The following ZMAT4 variants were observed in gnomAD, a reference collection of about 807,000 sequenced individuals.
The protein encoded by ZMAT4 is zinc finger matrin-type protein 4.
A neutral mutation model predicts 28.7 loss-of-function variants in ZMAT4; 17 were observed. The observed-to-expected ratio is 0.59, with a 90% CI of 0.41 to 0.89. The LOEUF (loss-of-function observed/expected upper bound fraction) is 0.89. Ranked by LOEUF, ZMAT4 falls within the 40% of genes least tolerant of loss-of-function variation. The pLI, the probability that ZMAT4 is intolerant of heterozygous loss-of-function variation, is 0.00. For synonymous variants in ZMAT4, 117 were observed against 109.2 expected (o/e 1.07, Z -0.44); for missense variants, 240 against 283.8 (o/e 0.85, Z 1.11).
chr8:40,734,914 A>T (rs895142549), intron 3 of ZMAT4, among the ~76,000 whole-genome samples: 2 of 152,212 alleles, frequency 1.3e-5, no homozygotes, highest in African/African-American at 4.8e-5. Context: ...AAATAAAATA[A>T]AATTAGAATC....
intron 6 of ZMAT4, among the ~76,000 whole-genome samples, chr8:40,552,749 CA>C (rs973247521): frequency 5.3e-5 from 8 of 152,176 alleles, no homozygotes; most frequent in South Asian, 2.1e-4. Flanking sequence ...CAAAAGGCCA[CA>C]CGGGGCCTCT....
intron 5 of ZMAT4, among the ~76,000 whole-genome samples, chr8:40,608,916 A>G (rs887913221): frequency 3.3e-5 from 5 of 152,142 alleles, no homozygotes; most frequent in African/African-American, 1.2e-4. Context: ...AGGCACTCAC[A>G]GTTTTACAGC....
intron 2 of ZMAT4, among the ~76,000 whole-genome samples, chr8:40,769,986 G>C (rs913368089): frequency 2.6e-5 from 4 of 152,130 alleles, no homozygotes; most frequent in African/African-American, 9.7e-5. Context: ...AGGCTTATTA[G>C]TGATTTTGAT....
chr8:40,865,627 G>A lies in ZMAT4; in HGVS notation c.-5+32056C>T, dbSNP rs574655033. 3.9e-5 allele frequency among the ~76,000 whole-genome samples: 6 copies of A among 152,316 alleles called. No homozygotes were observed. The South Asian group carries it at 6.2e-4, about 16-fold the overall frequency. On this transcript the variant is annotated intron_variant, in intron 1 of 6. Transcript: ENST00000297737. ...ACACGGTCTGCTCTCCCCAGCAACC[G>A]TGGTGGGAGGGATTATGCCTTTTAT...
intron 3 of ZMAT4, among the ~76,000 whole-genome samples, chr8:40,766,038 G>C (rs1252074930): frequency 6.6e-6 from 1 of 152,166 alleles, no homozygotes; most frequent in African/African-American, 2.4e-5. Context: ...TTTTCTGAGA[G>C]GAATGTGCCT....
chr8:40,684,456 G>T (rs1809312594), intron 4 of ZMAT4, among the ~76,000 whole-genome samples: 1 of 152,168 alleles, frequency 6.6e-6, no homozygotes, highest in African/African-American at 2.4e-5. Flanking sequence ...TGAGCTGGAG[G>T]CACCCCCTGG....
intron 4 of ZMAT4, among the ~76,000 whole-genome samples, chr8:40,678,490 C>A (rs1358489799): frequency 3.9e-5 from 6 of 152,192 alleles, no homozygotes; most frequent in Non-Finnish European, 8.8e-5. Context: ...TCCACATAGC[C>A]GTGCACCTGT....
At chr8:40,605,928 C>T (rs1244713628) in intron 5 of ZMAT4, among the ~76,000 whole-genome samples, 4 of 152,108 alleles carry the variant, frequency 2.6e-5, no homozygotes, top group Non-Finnish European at 5.9e-5. Context: ...TATACAATGT[C>T]CCTCTTTGTC....
chr8:40,790,270 A>G (rs966009942), intron 2 of ZMAT4, among the ~76,000 whole-genome samples: 6 of 152,244 alleles, frequency 3.9e-5, no homozygotes, highest in Non-Finnish European at 5.9e-5. Flanking sequence ...TACAGAATCT[A>G]TTTTAAAAGC....
intron 3 of ZMAT4, among the ~76,000 whole-genome samples, chr8:40,751,043 G>A (rs1331364326): frequency 6.6e-6 from 1 of 152,164 alleles, no homozygotes; most frequent in Admixed American, 6.5e-5. Flanking sequence ...CATGCAATAT[G>A]TATGATCAAT....
rs920692276 is a variant in ZMAT4, at chr8:40,866,709, C to T, written c.-5+30974G>A. Among the ~76,000 whole-genome samples, 5 of 152,158 alleles carry T rather than the reference C, an allele frequency of 3.3e-5. No individual in the cohort carries two copies. The East Asian group carries it at 9.6e-4, about 29-fold the overall frequency. On this transcript the variant is annotated intron_variant, in intron 1 of 6. Coordinates refer to ENST00000297737, the MANE Select transcript of ZMAT4 (RefSeq NM_024645.3). ...AATGCAAGAGGGAGTTTTTGCTTCT[C>T]TCTGGTGTGTAAATAGCTGGCAAGC...
chr8:40,875,597 G>A (rs142678809), intron 1 of ZMAT4, among the ~76,000 whole-genome samples: 1 of 152,288 alleles, frequency 6.6e-6, no homozygotes, highest in Non-Finnish European at 1.5e-5. Flanking sequence ...TGTGTGGGGT[G>A]TGGTATCTTC....
intron 6 of ZMAT4, among the ~76,000 whole-genome samples, chr8:40,577,182 G>T (rs1436030850): frequency 6.6e-6 from 1 of 151,654 alleles, no homozygotes; most frequent in African/African-American, 2.4e-5. Flanking sequence ...GAACAAGAGT[G>T]AAACTCCATC....
At chr8:40,770,268 G>T (rs1813333199) in intron 2 of ZMAT4, among the ~76,000 whole-genome samples, 1 of 152,180 alleles carries the variant, frequency 6.6e-6, no homozygotes, top group South Asian at 2.1e-4. Flanking sequence ...ACAACTTCCA[G>T]CAGGAAGTGA....
intron 3 of ZMAT4, among the ~76,000 whole-genome samples, chr8:40,729,685 C>G (rs915183436): frequency 6.6e-6 from 1 of 151,474 alleles, no homozygotes; most frequent in African/African-American, 2.4e-5. Context: ...ACCTCCACCT[C>G]CCGGGTTCAA....
At chr8:40,775,484 G>A (rs530621947) in intron 2 of ZMAT4, among the ~76,000 whole-genome samples, 5 of 152,328 alleles carry the variant, frequency 3.3e-5, no homozygotes, top group Non-Finnish European at 5.9e-5. Flanking sequence ...TGAAGAAACT[G>A]AGGGTTTGCT....
At chr8:40,540,004 G>A (rs1465588831) in intron 6 of ZMAT4, among the ~76,000 whole-genome samples, 1 of 152,232 alleles carries the variant, frequency 6.6e-6, no homozygotes, top group African/African-American at 2.4e-5. Context: ...TGGACAATGA[G>A]TTCAGTCACA....
At chr8:40,745,813 A>T (rs932732056) in intron 3 of ZMAT4, among the ~76,000 whole-genome samples, 2 of 152,318 alleles carry the variant, frequency 1.3e-5, no homozygotes, top group South Asian at 4.1e-4. Context: ...TATATTGCTC[A>T]TCACTCAATT....
chr8:40,740,668 C>T (rs1811962720), intron 3 of ZMAT4, among the ~76,000 whole-genome samples: 2 of 152,124 alleles, frequency 1.3e-5, no homozygotes, highest in South Asian at 4.2e-4. Context: ...GAGATTGGTG[C>T]ATATAAAGAT....
Sources: allele counts gnomAD v4.1 joint callset (sites outside exome capture counted in the v4.1 genomes callset), GRCh38; gene constraint gnomAD v4.1.1; transcripts MANE v1.5; gene names NCBI Gene and HGNC (gene_info 2026-07-23, HGNC 2026-07-21).